The following SH3GLB1 variants were observed in gnomAD, a reference collection of about 807,000 sequenced individuals.
SH3GLB1 encodes endophilin-B1.
In SH3GLB1, 17 loss-of-function variants were observed where a neutral mutation model predicts 42.0. That is an observed-to-expected ratio of 0.40 (90% CI 0.28 to 0.61). The LOEUF is 0.61. SH3GLB1 is among the 20% of genes least tolerant of loss of function. The pLI is 0.36. For missense variants in SH3GLB1, 355 were observed against 426.3 expected, an observed-to-expected ratio of 0.83 and a Z score of 1.47; for synonymous variants, 132 against 146.6, an observed-to-expected ratio of 0.90 and a Z score of 0.72.
chr1:86,737,579 C>A (rs1346894009), intron 7 of SH3GLB1, among the ~76,000 whole-genome samples: 1 of 152,094 alleles, frequency 6.6e-6, no homozygotes, highest in Non-Finnish European at 1.5e-5. Context: ...ACTATTTCAC[C>A]CTTTATCCAT....
At chr1:86,724,892 A>AAAATATAT (rs1291454820) in intron 5 of SH3GLB1, among the ~76,000 whole-genome samples, 1 of 99,698 alleles carries the variant, frequency 1.0e-5, no homozygotes, top group Non-Finnish European at 1.8e-5. Context: ...AAAAAAAAAA[A>AAAATATAT]ATATATATAT....
Position 86,735,105 on chromosome 1 carries a change from C to T in SH3GLB1, c.687C>T (p.Asp229=). 2 of 1,612,938 alleles carry T rather than the reference C, an allele frequency of 1.2e-6. No individual in the cohort carries two copies. The highest frequency in any genetic ancestry group is 1.7e-6 in the Non-Finnish European group (2 of 1,179,098). The change falls in exon 7 of 9, where the codon GAC becomes GAT. Residue 229 remains aspartate, a synonymous_variant. Coordinates refer to ENST00000370558, the MANE Select transcript of SH3GLB1 (RefSeq NM_016009.5). ...CCCATCACCTTCGCTGTCTGAATGA[C>T]TTTGTAGAAGCCCAGATGACTTACT... ...THAHHLRCLN[D]FVEAQMTYYA... is the part of the protein sequence containing the mutation.
At chr1:86,705,012 GA>G (rs750613347) in intron 1 of SH3GLB1, 41 bp downstream of exon 1, 43 of 1,397,832 alleles carry the variant, frequency 3.1e-5, no homozygotes, top group Non-Finnish European at 4.0e-5. Context: ...CGGCGCCCGG[GA>G]AGGTTGAGGG....
intron 7 of SH3GLB1, among the ~76,000 whole-genome samples, chr1:86,735,876 C>T (rs577829813): frequency 1.3e-5 from 2 of 152,264 alleles, no homozygotes; most frequent in African/African-American, 4.8e-5. Flanking sequence ...CAAAGCAAGC[C>T]GTTGGTAGAC....
chr1:86,715,165 A>G (rs912350602), intron 1 of SH3GLB1, among the ~76,000 whole-genome samples: 5 of 152,186 alleles, frequency 3.3e-5, no homozygotes, highest in African/African-American at 1.2e-4. Flanking sequence ...ACCACAATAA[A>G]CATTAACAGC....
chr1:86,742,527 T>G, intron 8 of SH3GLB1, 91 bp downstream of exon 8: 1 of 876,770 alleles, frequency 1.1e-6, no homozygotes, highest in Admixed American at 2.4e-5. Flanking sequence ...ATTAGTTATT[T>G]GGAAATGGTT....
chr1:86,710,743 A>C (rs1654165864), intron 1 of SH3GLB1, among the ~76,000 whole-genome samples: 1 of 152,228 alleles, frequency 6.6e-6, no homozygotes, highest in Non-Finnish European at 1.5e-5. Flanking sequence ...CAACACAGTT[A>C]ATATATTTGA....
chr1:86,738,028 G>T (rs1655862572), intron 7 of SH3GLB1, among the ~76,000 whole-genome samples: 1 of 152,192 alleles, frequency 6.6e-6, no homozygotes, highest in Non-Finnish European at 1.5e-5. Flanking sequence ...TGGAAATTTT[G>T]AGCTGAAGAG....
At chr1:86,727,069 G>A (rs1428271784) in intron 5 of SH3GLB1, among the ~76,000 whole-genome samples, 1 of 151,842 alleles carries the variant, frequency 6.6e-6, no homozygotes, top group Non-Finnish European at 1.5e-5. Context: ...CTCTTTTTAA[G>A]TTCTGTGTTT....
At chr1:86,715,909 G>A (rs778083526) in intron 2 of SH3GLB1, 44 bp downstream of exon 2, 496 of 1,547,750 alleles carry the variant, frequency 3.2e-4, no homozygotes, top group Non-Finnish European at 4.2e-4. Context: ...CTATTAGTGG[G>A]TTTTTAAATG....
intron 1 of SH3GLB1, among the ~76,000 whole-genome samples, chr1:86,707,353 G>A (rs1009709412): frequency 2.0e-5 from 3 of 152,194 alleles, no homozygotes; most frequent in Non-Finnish European, 4.4e-5. Context: ...GGGCATTAAG[G>A]AGACCAATGA....
chr1:86,716,350 C>T (rs1654533350), intron 2 of SH3GLB1, among the ~76,000 whole-genome samples: 1 of 152,148 alleles, frequency 6.6e-6, no homozygotes, highest in Non-Finnish European at 1.5e-5. Flanking sequence ...TCTTGGCTCA[C>T]TGCAACCTCC....
chr1:86,720,021 A>C (rs1193482856), intron 3 of SH3GLB1, among the ~76,000 whole-genome samples: 1 of 150,050 alleles, frequency 6.7e-6, no homozygotes, highest in Non-Finnish European at 1.5e-5. Flanking sequence ...AAAAAAACAT[A>C]GTAGTAGAAT....
chr1:86,728,490 G>A, intron 5 of SH3GLB1: 2 of 1,534,060 alleles, frequency 1.3e-6, no homozygotes, highest in Non-Finnish European at 8.8e-7. Context: ...ATGGCTGAAG[G>A]TTTGTTGGCC....
Position 86,743,245 on chromosome 1 carries a change from C to T in SH3GLB1, c.*10C>T. The T allele has an allele frequency of 6.4e-7, 1 of 1,573,242 alleles. No homozygotes were observed. The highest frequency in any genetic ancestry group is 8.6e-7 in the Non-Finnish European group (1 of 1,159,990). ...AGAACTGCTCAATTAAGTAGGTGGA[C>T]TATGGAAAGGTTGCCCATCATGACT... On this transcript the variant is annotated 3_prime_UTR_variant, in exon 9 of 9. Transcript: ENST00000370558.
At chr1:86,732,940 T>G (rs1225796555) in intron 5 of SH3GLB1, among the ~76,000 whole-genome samples, 1 of 152,110 alleles carries the variant, frequency 6.6e-6, no homozygotes, top group Non-Finnish European at 1.5e-5. Context: ...TAACCTAGTT[T>G]ATTTCTGAAG....
chr1:86,734,604 T>C lies in SH3GLB1; in HGVS notation c.573T>C (p.Ser191=), dbSNP rs1432217008. The C allele has an allele frequency of 6.2e-7, 1 of 1,608,310 alleles. No individual in the cohort carries two copies. Among genetic ancestry groups the C allele is most frequent in the Admixed American group, 1.7e-5 (1 of 59,910 alleles). Residue 191 remains serine (S), a splice_region_variant and synonymous_variant, in exon 6 of 9, where the codon TCT becomes TCC. Transcript: ENST00000370558. The stretch of plus-strand genomic sequence containing the variant: ...CTAAAACTATATTCTTACTTAAGTC[T>C]GAACAGGAATTAAGAATAACTCAAA... ...KAKAAETRNS[S]EQELRITQSE...
At position 86,747,238 on chromosome 1, in the gene SH3GLB1, G is replaced by A. The variant is rs1026046256; in HGVS notation, c.*4003G>A. 1 of 152,526 alleles carries A rather than the reference G, an allele frequency of 6.6e-6. No homozygotes were observed. Among genetic ancestry groups the A allele is most frequent in the Non-Finnish European group, 1.5e-5 (1 of 68,012 alleles). The allele number at this position is 152,526 out of a possible 1,614,324, so 9.4% of individuals were successfully genotyped here. A position where few individuals can be genotyped will look rare whatever the true frequency, so the allele number is the denominator to read the frequency against. On this transcript the variant is annotated 3_prime_UTR_variant, in exon 9 of 9. Coordinates refer to ENST00000370558, the MANE Select transcript of SH3GLB1 (RefSeq NM_016009.5). The stretch of plus-strand genomic sequence containing the variant: ...ATGGCAGTTACATTCCCAACTCTTA[G>A]CACAAGATCTAGGACATAGTATGAA...
At chr1:86,722,804 T>C in intron 4 of SH3GLB1, 131 bp downstream of exon 4, 1 of 670,772 alleles carries the variant, frequency 1.5e-6, no homozygotes, top group Non-Finnish European at 2.3e-6. Flanking sequence ...GGTCAGTGCA[T>C]GTTCACCAGA....
Sources: gnomAD v4.1 joint callset for allele counts (sites outside exome capture counted in the v4.1 genomes callset) on GRCh38, gnomAD v4.1.1 for gene constraint, MANE v1.5 for transcripts, NCBI Gene and HGNC (gene_info 2026-07-23, HGNC 2026-07-21) for gene names.